RPS24: variants seen among roughly 807,000 people sequenced by gnomAD.
RPS24 encodes ribosomal protein S24, also known as small ribosomal subunit protein eS24.
For missense variants in RPS24, 100 were observed against 162.5 expected, an observed-to-expected ratio of 0.62 and a Z score of 2.09; for synonymous variants, 72 against 55.6, an observed-to-expected ratio of 1.30 and a Z score of -1.31.
chr10:78,054,407 C>T lies in RPS24; in HGVS notation c.391-124C>T, dbSNP rs1398330351. The T allele has an allele frequency of 5.5e-6, 5 of 907,274 alleles. No individual in the cohort carries two copies. In the Admixed American group the frequency reaches 8.6e-5, roughly 16 times the overall value. The allele number at this position is 907,274 out of a possible 1,614,324, so 56.2% of individuals were successfully genotyped here. Reference sequence around the variant, plus strand: ...TTCCTTCAAGCTTTGGCTCTGACTGCTGCTGATCTTCCCTGGTACCAAGTG... The same window carrying T: ...TTCCTTCAAGCTTTGGCTCTGACTGTTGCTGATCTTCCCTGGTACCAAGTG... On this transcript the variant is annotated intron_variant, in intron 4 of 4. Transcript: ENST00000440692.
At chr10:78,036,886 T>C (rs542778898) in intron 3 of RPS24, among the ~76,000 whole-genome samples, 1 of 152,262 alleles carries the variant, frequency 6.6e-6, no homozygotes, top group East Asian at 1.9e-4. Flanking sequence ...GGTGCCTTGT[T>C]TTGGTAGTGC....
chr10:78,055,198 C>T, exon 5 of RPS24: 1 of 956,076 alleles, frequency 1.0e-6, no homozygotes, highest in Non-Finnish European at 1.4e-6. Flanking sequence ...CCCCCACAAT[C>T]CCCCACGACC....
At chr10:78,042,441 T>C (rs1018334639), downstream of RPS24, among the ~76,000 whole-genome samples, 4 of 152,198 alleles carry the variant, frequency 2.6e-5, no homozygotes, top group African/African-American at 9.7e-5. Context: ...AGGCTGAGGA[T>C]GTAACAACTG....
intron 4 of RPS24, chr10:78,037,665 T>C (rs1847902049): frequency 3.0e-6 from 1 of 328,432 alleles, no homozygotes. Flanking sequence ...TACTTATTAA[T>C]ATGGACACTG....
At chr10:78,053,189 A>AG (rs1323691624) in intron 4 of RPS24, among the ~76,000 whole-genome samples, 1 of 150,548 alleles carries the variant, frequency 6.6e-6, no homozygotes, top group Non-Finnish European at 1.5e-5. Context: ...ACAACAACAA[A>AG]AAAAAAAAAA....
intron 4 of RPS24, 110 bp downstream of exon 4, chr10:78,037,414 T>C: frequency 6.8e-7 from 1 of 1,461,664 alleles, no homozygotes; most frequent in Non-Finnish European, 9.1e-7. Context: ...ATGTTTCTTC[T>C]TTTCCCTCTT....
chr10:78,050,106 A>T (rs1245769524), intron 4 of RPS24, among the ~76,000 whole-genome samples: 1 of 152,110 alleles, frequency 6.6e-6, no homozygotes, highest in South Asian at 2.1e-4. Flanking sequence ...TTTCAGAACA[A>T]ATCAGCTCTT....
downstream of RPS24, among the ~76,000 whole-genome samples, chr10:78,044,151 A>C (rs1158309462): frequency 1.3e-5 from 2 of 152,116 alleles, no homozygotes; most frequent in Non-Finnish European, 2.9e-5. Flanking sequence ...TCAGGCATCC[A>C]CTGGGGGTCT....
chr10:78,037,481 C>A, intron 4 of RPS24, 177 bp downstream of exon 4: 1 of 1,067,926 alleles, frequency 9.4e-7, no homozygotes, highest in Non-Finnish European at 1.3e-6. Context: ...AGTGTCTTAA[C>A]ACCTCAGTAA....
downstream of RPS24, among the ~76,000 whole-genome samples, chr10:78,043,447 A>AT (rs914798061): frequency 3.5e-4 from 54 of 152,264 alleles, no homozygotes; most frequent in African/African-American, 1.1e-3. Flanking sequence ...AAAACACTGC[A>AT]TTTTTTCAGG....
intron 4 of RPS24, chr10:78,038,083 G>T: frequency 1.5e-6 from 1 of 678,660 alleles, no homozygotes. Flanking sequence ...TTTATAGTAT[G>T]GTCGATTATA....
exon 5 of RPS24, chr10:78,054,925 A>G (rs1848136098): frequency 2.6e-6 from 4 of 1,519,400 alleles, no homozygotes; most frequent in South Asian, 1.3e-5. Context: ...CAGGCCATCA[A>G]CAAGTCTTTT....
chr10:78,048,608 G>A (rs372788195), intron 4 of RPS24, among the ~76,000 whole-genome samples: 4 of 151,742 alleles, frequency 2.6e-5, no homozygotes, highest in South Asian at 2.1e-4. Flanking sequence ...CCAGCCGCGT[G>A]CGGTGGCTCA....
At chr10:78,052,714 A>C (rs1234213945) in intron 4 of RPS24, among the ~76,000 whole-genome samples, 1 of 152,110 alleles carries the variant, frequency 6.6e-6, no homozygotes, top group Non-Finnish European at 1.5e-5. Context: ...GATGGGGTGT[A>C]AGCCCTGTTT....
chr10:78,045,093 A>G (rs940079790), downstream of RPS24, among the ~76,000 whole-genome samples: 8 of 151,946 alleles, frequency 5.3e-5, no homozygotes, highest in Admixed American at 5.2e-4. Context: ...GGTTCAAGCA[A>G]TTCTCTGCCT....
chr10:78,054,506 T>A (rs188047840), intron 4 of RPS24: 1 of 1,511,144 alleles, frequency 6.6e-7, no homozygotes, highest in African/African-American at 1.4e-5. Context: ...CCTCTGAGAC[T>A]ATTCTCTCCT....
intron 4 of RPS24, among the ~76,000 whole-genome samples, chr10:78,050,524 A>G (rs917385746): frequency 1.3e-5 from 2 of 152,238 alleles, no homozygotes; most frequent in African/African-American, 4.8e-5. Context: ...GGTTTAATTC[A>G]CAGACCATAT....
Position 78,035,378 on chromosome 10 carries a change from A to G in RPS24, c.30A>G (p.Arg10=), listed in dbSNP as rs879406852. The G allele has an allele frequency of 6.2e-7, 1 of 1,614,192 alleles. No homozygotes were observed. The highest frequency in any genetic ancestry group is 8.5e-7 in the Non-Finnish European group (1 of 1,180,030). ...ACGACACCGTAACTATCCGCACTAG[A>G]AAGTTCATGACCAACCGACTACTTC... MNDTVTIRT[R]KFMTNRLLQR... is the part of the protein sequence containing the mutation. Residue 10 remains arginine, a synonymous_variant, in exon 2 of 6, where the codon AGA becomes AGG. Coordinates refer to ENST00000372360, the MANE Select transcript of RPS24 (RefSeq NM_033022.4).
intron 3 of RPS24, among the ~76,000 whole-genome samples, chr10:78,036,846 A>G (rs1316743902): frequency 6.6e-6 from 1 of 152,132 alleles, no homozygotes; most frequent in East Asian, 1.9e-4. Context: ...GGGAGTTGAA[A>G]TGGGAAGAGA....
Sources: gnomAD v4.1 joint callset for allele counts (sites outside exome capture counted in the v4.1 genomes callset) on GRCh38, gnomAD v4.1.1 for gene constraint, MANE v1.5 for transcripts, NCBI Gene and HGNC (gene_info 2026-07-23, HGNC 2026-07-21) for gene names.